The following PRDM6 variants were observed in gnomAD, a reference collection of about 807,000 sequenced individuals.
The protein encoded by PRDM6 is PR/SET domain 6, also known as putative histone-lysine N-methyltransferase PRDM6.
Under a neutral mutation model 60.8 loss-of-function variants are expected in PRDM6, and 25 were observed. The observed-to-expected ratio is 0.41, with a 90% CI of 0.30 to 0.57. The LOEUF is 0.57. PRDM6 is among the 20% of genes least tolerant of loss of function. The pLI is 0.27. For synonymous variants in PRDM6, 407 were observed against 357.4 expected (o/e 1.14, Z -1.57); for missense variants, 839 against 821.3 (o/e 1.02, Z -0.26).
chr5:123,183,447 G>GAA (rs536366803), intron 7 of PRDM6, among the ~76,000 whole-genome samples: 81 of 152,322 alleles, frequency 5.3e-4, no homozygotes, highest in African/African-American at 1.8e-3. Context: ...GATTTGGCAT[G>GAA]AAGAGGTCAG....
chr5:123,181,734 C>T (rs1766168049), intron 7 of PRDM6, among the ~76,000 whole-genome samples: 1 of 152,116 alleles, frequency 6.6e-6, no homozygotes, highest in African/African-American at 2.4e-5. Context: ...AAGAAGTCTT[C>T]CCAGAGCCTC....
intron 3 of PRDM6, among the ~76,000 whole-genome samples, chr5:123,124,931 AG>A (rs1461213959): frequency 1.3e-5 from 2 of 152,198 alleles, no homozygotes; most frequent in Non-Finnish European, 2.9e-5. Flanking sequence ...GTGGGAAAAA[AG>A]GTCCATGATA....
Position 123,159,549 on chromosome 5 carries a change from C to G in PRDM6, c.1064C>G (p.Pro355Arg). The change falls in exon 5 of 8, where the codon CCT becomes CGT. Residue 355 changes from proline to arginine, a missense_variant. Physicochemically the swap from Pro to Arg is moderately radical, Grantham distance 103. Around this residue, in one of 2 missense-constraint regions of PRDM6, gnomAD observed 730 missense variants for 648.8 expected, o/e 1.13. Transcript: ENST00000407847. The stretch of plus-strand genomic sequence containing the variant: ...TTCTACCGAGCCTGTATAGATATCC[C>G]TAGGGGCACCGAGCTTCTGGTGTGG... ...NIFYRACIDI[P>R]RGTELLVWYN... The G allele has an allele frequency of 6.4e-7, 1 of 1,551,464 alleles. No individual in the cohort carries two copies. The highest frequency in any genetic ancestry group is 8.7e-7 in the Non-Finnish European group (1 of 1,146,842).
intron 3 of PRDM6, among the ~76,000 whole-genome samples, chr5:123,139,867 G>A (rs912103427): frequency 2.6e-5 from 4 of 152,110 alleles, no homozygotes; most frequent in Non-Finnish European, 4.4e-5. Context: ...GTGGGAGTAC[G>A]ACCTGGAAGG....
intron 3 of PRDM6, among the ~76,000 whole-genome samples, chr5:123,106,644 G>A (rs73294715): frequency 0.01 from 1,568 of 152,264 alleles, 24 homozygotes; most frequent in African/African-American, 0.036. Flanking sequence ...AACTTTCATG[G>A]AAGTCACTAA....
At chr5:123,139,555 C>T (rs1765051658) in intron 3 of PRDM6, among the ~76,000 whole-genome samples, 1 of 151,602 alleles carries the variant, frequency 6.6e-6, no homozygotes, top group South Asian at 2.1e-4. Context: ...TGGTGTGGTC[C>T]ATAGATTCTT....
chr5:123,100,267 C>T (rs903262453), intron 3 of PRDM6, among the ~76,000 whole-genome samples: 4 of 152,148 alleles, frequency 2.6e-5, no homozygotes, highest in Admixed American at 6.5e-5. Flanking sequence ...TGGATTTGAC[C>T]GTTGGTCTCT....
intron 3 of PRDM6, among the ~76,000 whole-genome samples, chr5:123,155,639 C>T (rs567318891): frequency 7.0e-4 from 107 of 152,024 alleles, no homozygotes; most frequent in Non-Finnish European, 1.1e-3. Flanking sequence ...TGGTCACATC[C>T]GTGAGATACC....
At chr5:123,137,588 A>G (rs1187457754) in intron 3 of PRDM6, among the ~76,000 whole-genome samples, 3 of 152,144 alleles carry the variant, frequency 2.0e-5, no homozygotes, top group East Asian at 3.9e-4. Context: ...GAGTTGAACA[A>G]TGAGAACACA....
chr5:123,143,048 T>A (rs1223146327), intron 3 of PRDM6, among the ~76,000 whole-genome samples: 1 of 152,020 alleles, frequency 6.6e-6, no homozygotes, highest in African/African-American at 2.4e-5. Context: ...ACATTAAACA[T>A]CCCAAGGACT....
chr5:123,143,148 A>AGT (rs139092433), intron 3 of PRDM6, among the ~76,000 whole-genome samples: 5,626 of 145,896 alleles, frequency 0.039, 194 homozygotes, highest in African/African-American at 0.088. Context: ...TAGTTTTTAA[A>AGT]GTGTGTGTGT....
rs1285070352 is a variant in PRDM6 at position 123,090,416 on chromosome 5, C to T, written c.402C>T (p.Pro134=). The T allele has an allele frequency of 6.8e-7, 1 of 1,461,616 alleles. No individual in the cohort carries two copies. The highest frequency in any genetic ancestry group is 1.5e-5 in the African/African-American group (1 of 67,732). 90.5% of individuals were successfully genotyped at this position (1,461,616 alleles called of 1,614,324 possible). A position where few individuals can be genotyped will look rare whatever the true frequency, so the allele number is the denominator to read the frequency against. ...AAAVAAEPLP[P]KELCLGATSG... ...CCGTCGCCGCCGAGCCGCTGCCCCC[C>T]AAGGAACTGTGCCTCGGCGCCACCT... The change falls in exon 2 of 8, where the codon CCC becomes CCT. Residue 134 remains proline, a synonymous_variant. Transcript: ENST00000407847.
intron 5 of PRDM6, among the ~76,000 whole-genome samples, chr5:123,164,354 C>T (rs1053854002): frequency 2.0e-5 from 3 of 152,138 alleles, no homozygotes; most frequent in African/African-American, 7.2e-5. Flanking sequence ...CTTTCCTGTC[C>T]CTGAATGGGG....
At chr5:123,151,855 T>C (rs173028) in intron 3 of PRDM6, among the ~76,000 whole-genome samples, 109,283 of 151,970 alleles carry the variant, frequency 0.72, 39,438 homozygotes, top group Non-Finnish European at 0.75. Context: ...TGAGGTGCTC[T>C]CATCAACCCC....
Position 123,162,802 on chromosome 5 carries a change from A to C in PRDM6, c.1153+3164A>C, listed in dbSNP as rs1297655104. On this transcript the variant is annotated intron_variant, in intron 5 of 7. Transcript: ENST00000407847. ...GGCTTCATCAGATCGTGTGGGGGAG[A>C]TATATGACTTTGACTGCCTCTAAGA... Among the ~76,000 whole-genome samples the C allele has an allele frequency of 2.0e-5, 3 of 152,160 alleles. No homozygotes were observed. The South Asian group carries it at 6.2e-4, about 32-fold the overall frequency.
chr5:123,148,205 A>G (rs1765290794), intron 3 of PRDM6, among the ~76,000 whole-genome samples: 1 of 152,236 alleles, frequency 6.6e-6, no homozygotes, highest in African/African-American at 2.4e-5. Context: ...ATATTTCTGG[A>G]ACTTGATGAA....
chr5:123,115,538 C>A (rs1351527286), intron 3 of PRDM6, among the ~76,000 whole-genome samples: 1 of 151,938 alleles, frequency 6.6e-6, no homozygotes, highest in East Asian at 1.9e-4. Flanking sequence ...ATTACAAGGG[C>A]TGAAAATATT....
intron 3 of PRDM6, among the ~76,000 whole-genome samples, chr5:123,122,164 C>CAAAAAAAAAAAA (rs138619125): frequency 1.0e-5 from 1 of 98,924 alleles, no homozygotes; most frequent in Non-Finnish European, 1.8e-5. Flanking sequence ...CTCCATCTGA[C>CAAAAAAAAAAAA]AAAAAAAAAA....
intron 3 of PRDM6, among the ~76,000 whole-genome samples, chr5:123,142,441 G>T (rs1765126382): frequency 6.6e-6 from 1 of 151,942 alleles, no homozygotes; most frequent in Admixed American, 6.6e-5. Context: ...AATATGAGGG[G>T]GTAAGCCAGA....
Sources: allele counts gnomAD v4.1 joint callset (sites outside exome capture counted in the v4.1 genomes callset), GRCh38; gene constraint gnomAD v4.1.1; regional missense constraint gnomAD v4.1.1; transcripts MANE v1.5; gene names NCBI Gene and HGNC (gene_info 2026-07-23, HGNC 2026-07-21).